PLCB1: variants seen among roughly 807,000 people sequenced by gnomAD.
The protein encoded by PLCB1 is phospholipase C beta 1.
A neutral mutation model predicts 161.8 loss-of-function variants in PLCB1; 46 were observed. That is an observed-to-expected ratio of 0.28 (90% CI 0.22 to 0.36). The LOEUF is 0.36. Among genes scored for constraint, PLCB1 ranks in the 10% least tolerant of loss-of-function variants. PLCB1 has a pLI of 1.00. For synonymous variants in PLCB1, 517 were observed against 503.7 expected (o/e 1.03, Z -0.35); for missense variants, 1,016 against 1,472.5 (o/e 0.69, Z 5.07).
intron 3 of PLCB1, among the ~76,000 whole-genome samples, chr20:8,398,769 T>C (rs576262907): frequency 6.6e-6 from 1 of 152,184 alleles, no homozygotes; most frequent in South Asian, 2.1e-4. Context: ...ATTTGCACTT[T>C]TTTTTTTTCA....
chr20:8,289,885 G>C (rs1983306571), intron 2 of PLCB1, among the ~76,000 whole-genome samples: 1 of 152,194 alleles, frequency 6.6e-6, no homozygotes, highest in South Asian at 2.1e-4. Context: ...ACTAATGAGT[G>C]AGTGCCAGTG....
chr20:8,800,161 T>G (rs371107307), intron 31 of PLCB1, among the ~76,000 whole-genome samples: 6 of 152,316 alleles, frequency 3.9e-5, no homozygotes, highest in African/African-American at 9.6e-5. Flanking sequence ...GCAGGCATAC[T>G]GGGCTGAAGA....
At chr20:8,196,779 A>G (rs1020211488) in intron 2 of PLCB1, among the ~76,000 whole-genome samples, 1 of 151,914 alleles carries the variant, frequency 6.6e-6, no homozygotes, top group Non-Finnish European at 1.5e-5. Flanking sequence ...TTAACTTTTC[A>G]TTTACATTAG....
At chr20:8,564,793 T>C (rs1204343383) in intron 3 of PLCB1, among the ~76,000 whole-genome samples, 2 of 152,084 alleles carry the variant, frequency 1.3e-5, no homozygotes, top group Non-Finnish European at 2.9e-5. Context: ...TGAGATACCA[T>C]CTAACACCAG....
chr20:8,860,970 A>G (rs1987236320), intron 31 of PLCB1, among the ~76,000 whole-genome samples: 1 of 152,176 alleles, frequency 6.6e-6, no homozygotes, highest in Admixed American at 6.5e-5. Flanking sequence ...AAATATTGCA[A>G]TTTTATTCTG....
At chr20:8,210,973 G>A (rs1334212681) in intron 2 of PLCB1, among the ~76,000 whole-genome samples, 1 of 152,112 alleles carries the variant, frequency 6.6e-6, no homozygotes, top group African/African-American at 2.4e-5. Flanking sequence ...CAGGATGGAT[G>A]CATGCATTCT....
chr20:8,433,943 T>C (rs1321396115), intron 3 of PLCB1, among the ~76,000 whole-genome samples: 1 of 145,564 alleles, frequency 6.9e-6, no homozygotes, highest in African/African-American at 2.5e-5. Context: ...TAAAAAAACA[T>C]GAATTAGTCA....
chr20:8,247,858 C>T (rs768126457), intron 2 of PLCB1, among the ~76,000 whole-genome samples: 9 of 151,952 alleles, frequency 5.9e-5, no homozygotes, highest in Non-Finnish European at 8.8e-5. Flanking sequence ...GTCCAGATTG[C>T]ACCTATATTA....
At chr20:8,371,718 T>G in intron 3 of PLCB1, 1 of 353,210 alleles carries the variant, frequency 2.8e-6, no homozygotes, top group Non-Finnish European at 5.1e-6. Context: ...CCCAAGTTAC[T>G]GGGTAATTCT....
intron 27 of PLCB1, among the ~76,000 whole-genome samples, chr20:8,785,560 G>A (rs371842342): frequency 1.2e-4 from 19 of 152,144 alleles, no homozygotes; most frequent in African/African-American, 4.1e-4. Flanking sequence ...GTTCTGCAAG[G>A]GGTAAAGGGC....
chr20:8,262,533 C>T (rs1981754904), intron 2 of PLCB1, among the ~76,000 whole-genome samples: 3 of 152,270 alleles, frequency 2.0e-5, no homozygotes, highest in Middle Eastern at 3.4e-3. Context: ...GCATGCCGCT[C>T]AGCAGAATTT....
chr20:8,595,976 A>C, intron 3 of PLCB1, among the ~76,000 whole-genome samples: 1 of 115,284 alleles, frequency 8.7e-6, no homozygotes, highest in African/African-American at 3.1e-5. Flanking sequence ...AATTTGTTTG[A>C]GTTCATTGTA....
intron 4 of PLCB1, among the ~76,000 whole-genome samples, chr20:8,633,132 ACACAC>A (rs1988652546): frequency 6.6e-6 from 1 of 151,138 alleles, no homozygotes; most frequent in African/African-American, 2.5e-5. Flanking sequence ...ACACACACAC[ACACAC>A]ACACACACAC....
chr20:8,656,091 G>T (rs527627563), intron 7 of PLCB1, among the ~76,000 whole-genome samples: 2 of 152,120 alleles, frequency 1.3e-5, no homozygotes, highest in East Asian at 3.9e-4. Flanking sequence ...TTCAAAGTTT[G>T]TGCCCAAGTA....
intron 23 of PLCB1, chr20:8,750,882 G>C: frequency 2.2e-6 from 3 of 1,360,890 alleles, no homozygotes; most frequent in Non-Finnish European, 2.9e-6. Flanking sequence ...TCTTACCCAT[G>C]TGGTGCCCAT....
At chr20:8,820,458 A>G (rs746399822) in intron 31 of PLCB1, among the ~76,000 whole-genome samples, 29 of 152,104 alleles carry the variant, frequency 1.9e-4, no homozygotes, top group Non-Finnish European at 3.8e-4. Flanking sequence ...CAGACAGGCA[A>G]ATTTTTTAAG....
intron 3 of PLCB1, among the ~76,000 whole-genome samples, chr20:8,488,579 G>A (rs6086469): frequency 6.6e-6 from 1 of 151,962 alleles, no homozygotes; most frequent in South Asian, 2.1e-4. Flanking sequence ...GAAGTGCTTA[G>A]AATAATCTAC....
At chr20:8,533,773 C>A (rs1984927321) in intron 3 of PLCB1, among the ~76,000 whole-genome samples, 1 of 151,846 alleles carries the variant, frequency 6.6e-6, no homozygotes, top group South Asian at 2.1e-4. Context: ...AGCCCTTTGT[C>A]AGATGAGTAG....
chr20:8,792,243 T>C (rs994213420), intron 31 of PLCB1: 17 of 183,392 alleles, frequency 9.3e-5, no homozygotes, highest in African/African-American at 4.0e-4. Flanking sequence ...TGGTGTTTCC[T>C]CATTGGGTAC....
Sources: gnomAD v4.1 joint callset for allele counts (sites outside exome capture counted in the v4.1 genomes callset) on GRCh38, gnomAD v4.1.1 for gene constraint, MANE v1.5 for transcripts, NCBI Gene and HGNC (gene_info 2026-07-23, HGNC 2026-07-21) for gene names.